DCC: variants seen among roughly 807,000 people sequenced by gnomAD.
DCC encodes DCC netrin 1 receptor.
DCC carries 58 observed loss-of-function variants against 172.5 expected under a neutral mutation model. The observed-to-expected ratio is 0.34, with a 90% CI of 0.27 to 0.42. The LOEUF (loss-of-function observed/expected upper bound fraction) is 0.42. Among genes scored for constraint, DCC ranks in the 10% least tolerant of loss-of-function variants. The pLI is 1.00. For synonymous variants in DCC, 709 were observed against 644.5 expected, an observed-to-expected ratio of 1.10 and a Z score of -1.52; for missense variants, 1,740 against 1,791.0, an observed-to-expected ratio of 0.97 and a Z score of 0.51.
chr18:53,391,627 G>T, intron 16 of DCC, 28 bp from the exon 17 acceptor site: 3 of 1,402,224 alleles, frequency 2.1e-6, no homozygotes, highest in Non-Finnish European at 3.0e-6. Context: ...TTATTTGTTT[G>T]TTTCATTTGG....
intron 1 of DCC, among the ~76,000 whole-genome samples, chr18:52,575,956 C>T (rs767461103): frequency 6.6e-6 from 1 of 152,078 alleles, no homozygotes; most frequent in Non-Finnish European, 1.5e-5. Context: ...GGCATCTGGG[C>T]TTTTCATTCA....
At chr18:52,357,798 C>T (rs981924445) in intron 1 of DCC, among the ~76,000 whole-genome samples, 34 of 151,942 alleles carry the variant, frequency 2.2e-4, no homozygotes, top group African/African-American at 4.3e-4. Context: ...ATTAGCTGGG[C>T]GTGGTGGCGG....
intron 2 of DCC, among the ~76,000 whole-genome samples, chr18:52,864,777 G>T (rs1233664174): frequency 2.0e-5 from 3 of 151,754 alleles, no homozygotes; most frequent in Non-Finnish European, 4.4e-5. Context: ...AACATGTGGT[G>T]TTTGGTTTTC....
At chr18:52,489,669 A>T (rs1335226533) in intron 1 of DCC, among the ~76,000 whole-genome samples, 1 of 152,090 alleles carries the variant, frequency 6.6e-6, no homozygotes, top group East Asian at 1.9e-4. Context: ...TTAAGTCCCC[A>T]CATTGTTTAA....
chr18:53,127,852 G>C (rs1003726482), intron 7 of DCC, among the ~76,000 whole-genome samples: 6 of 152,140 alleles, frequency 3.9e-5, no homozygotes, highest in African/African-American at 1.2e-4. Context: ...CATTCAACTG[G>C]AACACCAAAC....
At chr18:53,152,866 C>T (rs375438589) in intron 7 of DCC, among the ~76,000 whole-genome samples, 2 of 149,042 alleles carry the variant, frequency 1.3e-5, no homozygotes, top group South Asian at 2.2e-4. Context: ...CTGTGTTCCT[C>T]CGTTTTAATA....
intron 2 of DCC, among the ~76,000 whole-genome samples, chr18:52,905,258 C>G (rs2039864289): frequency 6.6e-6 from 1 of 151,910 alleles, no homozygotes; most frequent in Non-Finnish European, 1.5e-5. Context: ...ATTGGTCATT[C>G]ATATGAATGA....
At chr18:52,392,590 A>C (rs1184340052) in intron 1 of DCC, among the ~76,000 whole-genome samples, 1 of 152,138 alleles carries the variant, frequency 6.6e-6, no homozygotes, top group Non-Finnish European at 1.5e-5. Context: ...AGGCACTATC[A>C]TTCCTCACTA....
chr18:52,673,959 A>T (rs2035602407), intron 1 of DCC, among the ~76,000 whole-genome samples: 1 of 152,160 alleles, frequency 6.6e-6, no homozygotes, highest in South Asian at 2.1e-4. Flanking sequence ...CCAGCTGAGC[A>T]TATCTCACCT....
chr18:53,102,154 A>G (rs1056254351), intron 7 of DCC, among the ~76,000 whole-genome samples: 1 of 152,118 alleles, frequency 6.6e-6, no homozygotes, highest in Non-Finnish European at 1.5e-5. Context: ...CTGCTTCACC[A>G]TAAAGACAGA....
intron 2 of DCC, among the ~76,000 whole-genome samples, chr18:52,787,507 TAG>T (rs1176819893): frequency 1.3e-5 from 2 of 152,130 alleles, no homozygotes; most frequent in Non-Finnish European, 2.9e-5. Flanking sequence ...ACTCAGACAT[TAG>T]AATTTTAGAA....
chr18:53,388,862 G>C (rs1212586555), intron 16 of DCC, among the ~76,000 whole-genome samples: 2 of 152,136 alleles, frequency 1.3e-5, no homozygotes, highest in Admixed American at 6.5e-5. Flanking sequence ...ATGGCTCACT[G>C]TAGACTTGAC....
chr18:53,102,453 C>G (rs895011081), intron 7 of DCC, among the ~76,000 whole-genome samples: 3 of 152,020 alleles, frequency 2.0e-5, no homozygotes, highest in African/African-American at 7.2e-5. Context: ...TGTTTCCAAA[C>G]TCTGCAAGGG....
intron 7 of DCC, among the ~76,000 whole-genome samples, chr18:53,099,943 C>T (rs55681717): frequency 0.52 from 46,974 of 91,064 alleles, 13,459 homozygotes; most frequent in Non-Finnish European, 0.58. Context: ...TTCTTTCTTT[C>T]TTTTTTTTTT....
At chr18:53,513,066 G>T (rs983024109) in intron 27 of DCC, among the ~76,000 whole-genome samples, 1 of 152,176 alleles carries the variant, frequency 6.6e-6, no homozygotes, top group Non-Finnish European at 1.5e-5. Flanking sequence ...AGAGAGAAAG[G>T]TCGGGTTACC....
intron 21 of DCC, among the ~76,000 whole-genome samples, chr18:53,430,675 A>G (rs1041092121): frequency 6.6e-6 from 1 of 152,200 alleles, no homozygotes; most frequent in Non-Finnish European, 1.5e-5. Context: ...AACATAAATA[A>G]TAAATTGCAT....
chr18:52,452,403 T>C (rs947857849), intron 1 of DCC, among the ~76,000 whole-genome samples: 3 of 152,230 alleles, frequency 2.0e-5, no homozygotes, highest in African/African-American at 7.2e-5. Flanking sequence ...AAGTTCTGTG[T>C]TCTTCCTATC....
At chr18:52,474,238 G>GAGAGAT (rs1989030419) in intron 1 of DCC, among the ~76,000 whole-genome samples, 1 of 75,276 alleles carries the variant, frequency 1.3e-5, no homozygotes, top group African/African-American at 3.4e-5. Context: ...GAGAGAGAGA[G>GAGAGAT]AGAGAAAGAG....
intron 1 of DCC, among the ~76,000 whole-genome samples, chr18:52,700,201 TA>T (rs2036088221): frequency 2.1e-5 from 3 of 141,298 alleles, no homozygotes; most frequent in African/African-American, 2.7e-5. Context: ...CACACGCACA[TA>T]CACACATGCA....
Sources: gnomAD v4.1 joint callset for allele counts (sites outside exome capture counted in the v4.1 genomes callset) on GRCh38, gnomAD v4.1.1 for gene constraint, MANE v1.5 for transcripts, NCBI Gene and HGNC (gene_info 2026-07-23, HGNC 2026-07-21) for gene names.